Variants in EXOC6B observed in about 807,000 individuals in gnomAD.
The protein encoded by EXOC6B is SEC15 homolog B.
Under a neutral mutation model 113.5 loss-of-function variants are expected in EXOC6B, and 54 were observed. The observed-to-expected ratio is 0.48, with a 90% CI of 0.38 to 0.60. The LOEUF (loss-of-function observed/expected upper bound fraction) is 0.60. Ranked by LOEUF, EXOC6B falls within the 20% of genes least tolerant of loss-of-function variation. The probability of loss-of-function intolerance (pLI) is 0.00; values close to 1 mark genes in which losing one functional copy is unlikely to be tolerated. For synonymous variants in EXOC6B, 357 were observed against 339.0 expected (o/e 1.05, Z -0.58); for missense variants, 797 against 977.5 (o/e 0.82, Z 2.46).
intron 20 of EXOC6B, among the ~76,000 whole-genome samples, chr2:72,224,817 T>C (rs368977906): frequency 6.1e-5 from 9 of 146,630 alleles, no homozygotes; most frequent in Non-Finnish European, 1.4e-4. Flanking sequence ...TGTGTGTGTG[T>C]GTGCGTGTGT....
chr2:72,322,167 C>T (rs558646989), intron 20 of EXOC6B, among the ~76,000 whole-genome samples: 1 of 151,888 alleles, frequency 6.6e-6, no homozygotes, highest in Non-Finnish European at 1.5e-5. Context: ...CTGGAAAGAA[C>T]AAAATGTTCA....
rs767684988 is a variant in EXOC6B, at chr2:72,480,645, T to C, written c.1771A>G (p.Thr591Ala). The C allele has an allele frequency of 3.2e-6, 5 of 1,586,898 alleles. No individual in the cohort carries two copies. In the African/African-American group the frequency reaches 5.4e-5, roughly 17 times the overall value. Residue 591 changes from threonine to alanine, a missense_variant, in exon 17 of 22, where the codon ACC (threonine) becomes GCC (alanine). Transcript: ENST00000272427. ...AAAGTTGTGGTGCCATAGAGCTTGG[T>C]AGTGTGAACTGTCTCTGGAAGCACA... The part of the protein sequence containing the change: ...TNVLPETVHT[T>A]KLYGTTTFKD...
intron 7 of EXOC6B, among the ~76,000 whole-genome samples, chr2:72,571,799 A>G (rs541261597): frequency 1.3e-5 from 2 of 152,280 alleles, no homozygotes; most frequent in South Asian, 4.1e-4. Flanking sequence ...TTAACAATGT[A>G]TTAACTGTCT....
chr2:72,603,073 GT>G (rs61465336), intron 6 of EXOC6B, among the ~76,000 whole-genome samples: 14,552 of 142,586 alleles, frequency 0.1, 843 homozygotes, highest in Non-Finnish European at 0.12. Flanking sequence ...CGGACAGATG[GT>G]TTTTTTTTTT....
intron 6 of EXOC6B, among the ~76,000 whole-genome samples, chr2:72,597,995 A>T (rs534585551): frequency 1.8e-4 from 28 of 152,070 alleles, no homozygotes; most frequent in African/African-American, 5.8e-4. Context: ...TTATTATTAT[A>T]ATGGGAGAAT....
intron 20 of EXOC6B, among the ~76,000 whole-genome samples, chr2:72,310,639 A>C (rs1687130053): frequency 6.6e-6 from 1 of 152,082 alleles, no homozygotes; most frequent in Admixed American, 6.5e-5. Flanking sequence ...TAATAAAAAA[A>C]AAGCAAACAA....
rs191061450 is a variant in EXOC6B, at chr2:72,387,793, T to C, written c.1981-7923A>G. 1.3e-4 allele frequency among the ~76,000 whole-genome samples: 20 copies of C among 152,294 alleles called. 1 individual carries two copies. The highest frequency in any genetic ancestry group is 4.6e-4 in the African/African-American group (19 of 41,568). Reference sequence around the variant, plus strand: ...AAAAATAGTGTTTTATTTCTTCCACTATTGTGTCCATTTACTATTTCATTA... The same window carrying C: ...AAAAATAGTGTTTTATTTCTTCCACCATTGTGTCCATTTACTATTTCATTA... On this transcript the variant is annotated intron_variant, in intron 18 of 21. Coordinates refer to ENST00000272427, the MANE Select transcript of EXOC6B (RefSeq NM_015189.3).
At chr2:72,556,637 T>G (rs1703559036) in intron 8 of EXOC6B, among the ~76,000 whole-genome samples, 1 of 151,968 alleles carries the variant, frequency 6.6e-6, no homozygotes, top group Non-Finnish European at 1.5e-5. Context: ...CTTCCTAAAG[T>G]CCCCTTATAT....
intron 7 of EXOC6B, among the ~76,000 whole-genome samples, chr2:72,561,032 C>A (rs1433473649): frequency 6.6e-6 from 1 of 151,956 alleles, no homozygotes; most frequent in Non-Finnish European, 1.5e-5. Context: ...TTTAGGCACC[C>A]TTATTTGAAA....
At chr2:72,800,746 A>G (rs1685230265) in intron 1 of EXOC6B, among the ~76,000 whole-genome samples, 1 of 152,128 alleles carries the variant, frequency 6.6e-6, no homozygotes, top group South Asian at 2.1e-4. Flanking sequence ...CTGGACTTGG[A>G]CTCTTAACTA....
At chr2:72,508,729 G>A (rs188723538) in intron 11 of EXOC6B, among the ~76,000 whole-genome samples, 28 of 152,068 alleles carry the variant, frequency 1.8e-4, no homozygotes, top group African/African-American at 5.8e-4. Context: ...AGCTGAGATC[G>A]CACCATTGTG....
intron 20 of EXOC6B, among the ~76,000 whole-genome samples, chr2:72,206,117 CAATT>C (rs1358235108): frequency 1.3e-5 from 2 of 152,168 alleles, no homozygotes; most frequent in African/African-American, 4.8e-5. Context: ...GGTACAGTCT[CAATT>C]AGTGTGATTC....
intron 20 of EXOC6B, among the ~76,000 whole-genome samples, chr2:72,299,486 G>A (rs1336952068): frequency 2.0e-5 from 3 of 151,884 alleles, no homozygotes; most frequent in Non-Finnish European, 4.4e-5. Context: ...TAGCTCGGAG[G>A]AGTTTGTTAT....
rs146947960 is a variant in EXOC6B at position 72,246,947 on chromosome 2, T to C, written c.2197-62760A>G. Among the ~76,000 whole-genome samples, 721 of 152,260 alleles carry C rather than the reference T, an allele frequency of 4.7e-3. 8 individuals carry two copies. Among genetic ancestry groups the C allele is most frequent in the African/African-American group, 0.016 (668 of 41,550 alleles). ...GATGGCCTTCTAAGAACTTGTTTTT[T>C]GAGGTTTCTGAGTTTCCACAATATA... On this transcript the variant is annotated intron_variant, in intron 20 of 21. Coordinates refer to ENST00000272427, the MANE Select transcript of EXOC6B (RefSeq NM_015189.3).
intron 8 of EXOC6B, 126 bp from the exon 9 acceptor site, chr2:72,515,252 T>C: frequency 1.0e-6 from 1 of 963,544 alleles, no homozygotes; most frequent in Non-Finnish European, 1.6e-6. Context: ...TCTGCTATTT[T>C]AACATTGATG....
chr2:72,526,582 A>G (rs1261202306), intron 8 of EXOC6B, among the ~76,000 whole-genome samples: 1 of 151,980 alleles, frequency 6.6e-6, no homozygotes, highest in Non-Finnish European at 1.5e-5. Flanking sequence ...GGGTTGGGGA[A>G]ATCTCGTATA....
At chr2:72,437,698 T>C (rs1445392599) in intron 18 of EXOC6B, among the ~76,000 whole-genome samples, 5 of 152,188 alleles carry the variant, frequency 3.3e-5, no homozygotes. Flanking sequence ...TAACTAGCTT[T>C]TTCAATAAAT....
At chr2:72,480,140 G>C (rs566722406) in intron 17 of EXOC6B, among the ~76,000 whole-genome samples, 74 of 151,976 alleles carry the variant, frequency 4.9e-4, no homozygotes, top group Admixed American at 7.9e-4. Context: ...GGAGACAGGG[G>C]TTGCGGTGAG....
intron 20 of EXOC6B, among the ~76,000 whole-genome samples, chr2:72,209,933 G>C (rs1293579804): frequency 6.6e-6 from 1 of 152,150 alleles, no homozygotes; most frequent in Non-Finnish European, 1.5e-5. Context: ...TCAGTGATAA[G>C]ATTTTTATGT....
Sources: gnomAD v4.1 joint callset for allele counts (sites outside exome capture counted in the v4.1 genomes callset) on GRCh38, gnomAD v4.1.1 for gene constraint, MANE v1.5 for transcripts, NCBI Gene and HGNC (gene_info 2026-07-23, HGNC 2026-07-21) for gene names.